SLC30A8: variants seen among roughly 807,000 people sequenced by gnomAD.
SLC30A8 encodes solute carrier family 30 member 8.
In SLC30A8, 27 loss-of-function variants were observed where a neutral mutation model predicts 36.9. The observed-to-expected ratio is 0.73, with a 90% CI of 0.54 to 1.01. The LOEUF (loss-of-function observed/expected upper bound fraction) is 1.01, where lower values mean the gene tolerates loss of function less well. Among genes scored for constraint, SLC30A8 ranks in the 50% least tolerant of loss-of-function variants. The pLI is 0.00. For missense variants in SLC30A8, 439 were observed against 452.0 expected (o/e 0.97, Z 0.26); for synonymous variants, 164 against 172.4 (o/e 0.95, Z 0.38).
chr8:117,164,739 G>A (rs1018454042), intron 6 of SLC30A8, among the ~76,000 whole-genome samples: 2 of 152,056 alleles, frequency 1.3e-5, no homozygotes, highest in Admixed American at 6.6e-5. Flanking sequence ...TGGGAGCAGG[G>A]GCCAGTGGTC....
chr8:117,096,141 A>T lies in SLC30A8; in HGVS notation c.-225-39139A>T, dbSNP rs1372566268. On this transcript the variant is annotated intron_variant, in intron 2 of 10. Transcript: ENST00000427715. ...CTGTCTTGATGTTATAGTCTCTCTG[A>T]GGCACTGATGGGGTTTGAACTTTGC... Among the ~76,000 whole-genome samples, 15 of 152,260 alleles carry T rather than the reference A, an allele frequency of 9.9e-5. No homozygotes were observed. The East Asian group carries it at 2.9e-3, about 29-fold the overall frequency.
chr8:117,023,815 A>G (rs1242171892), intron 1 of SLC30A8, among the ~76,000 whole-genome samples: 1 of 152,102 alleles, frequency 6.6e-6, no homozygotes, highest in African/African-American at 2.4e-5. Context: ...GCACATGTAT[A>G]CATGTGTAAC....
chr8:116,988,385 C>G (rs1199005507), intron 1 of SLC30A8, among the ~76,000 whole-genome samples: 1 of 152,208 alleles, frequency 6.6e-6, no homozygotes, highest in Non-Finnish European at 1.5e-5. Context: ...GGCTAGCAAT[C>G]CAGTCCCCCT....
chr8:117,008,938 G>A (rs1170207889), intron 1 of SLC30A8, among the ~76,000 whole-genome samples: 1 of 152,126 alleles, frequency 6.6e-6, no homozygotes, highest in African/African-American at 2.4e-5. Context: ...GTGATGTTGG[G>A]CAATCTACCT....
chr8:117,112,912 C>G (rs1394656472), intron 2 of SLC30A8, among the ~76,000 whole-genome samples: 1 of 152,096 alleles, frequency 6.6e-6, no homozygotes, highest in Non-Finnish European at 1.5e-5. Context: ...TAACTCAGTA[C>G]TTATCTCCTG....
chr8:116,994,351 A>G (rs992276705), intron 1 of SLC30A8, among the ~76,000 whole-genome samples: 11 of 152,120 alleles, frequency 7.2e-5, no homozygotes, highest in African/African-American at 2.7e-4. Context: ...AAAAGAATGC[A>G]CAAGTGTTCA....
At chr8:117,004,320 C>T (rs758382558) in intron 1 of SLC30A8, among the ~76,000 whole-genome samples, 1 of 152,204 alleles carries the variant, frequency 6.6e-6, no homozygotes. Context: ...GACTGGGAGA[C>T]ACATTTTGAA....
intron 1 of SLC30A8, among the ~76,000 whole-genome samples, chr8:116,998,988 G>A (rs915697699): frequency 2.0e-5 from 3 of 152,218 alleles, no homozygotes; most frequent in African/African-American, 7.2e-5. Flanking sequence ...TATGGGCCAC[G>A]CGTGGTGGCA....
At chr8:117,049,638 TC>T (rs1042007741) in intron 2 of SLC30A8, among the ~76,000 whole-genome samples, 1 of 152,224 alleles carries the variant, frequency 6.6e-6, no homozygotes, top group African/African-American at 2.4e-5. Context: ...TGATATGTGT[TC>T]CCAGGTGGGC....
At chr8:117,093,169 C>T (rs966878480) in intron 2 of SLC30A8, among the ~76,000 whole-genome samples, 8 of 151,910 alleles carry the variant, frequency 5.3e-5, no homozygotes, top group African/African-American at 1.9e-4. Flanking sequence ...GTAAGATACT[C>T]TCATGGCCCA....
intron 1 of SLC30A8, among the ~76,000 whole-genome samples, chr8:116,997,500 G>GT (rs5894359): frequency 0.11 from 16,694 of 149,664 alleles, 1,229 homozygotes; most frequent in Non-Finnish European, 0.17. Flanking sequence ...AATTAAATCA[G>GT]TTTTTTTTTT....
chr8:117,038,746 C>T (rs145076698), intron 1 of SLC30A8, among the ~76,000 whole-genome samples: 175 of 152,250 alleles, frequency 1.1e-3, no homozygotes, highest in African/African-American at 4.1e-3. Context: ...TGAGAGTGTT[C>T]GATGCTCCAC....
intron 1 of SLC30A8, among the ~76,000 whole-genome samples, chr8:117,029,961 TG>T (rs1263257376): frequency 2.0e-5 from 3 of 152,214 alleles, no homozygotes; most frequent in African/African-American, 7.2e-5. Flanking sequence ...AATGTTTGTT[TG>T]TTTTTTTAAA....
intron 2 of SLC30A8, among the ~76,000 whole-genome samples, chr8:117,039,818 A>T (rs1010009951): frequency 6.6e-6 from 1 of 152,208 alleles, no homozygotes; most frequent in Non-Finnish European, 1.5e-5. Flanking sequence ...AGATACATTT[A>T]TTTAACTGTT....
At chr8:116,996,733 G>A (rs1815833934) in intron 1 of SLC30A8, among the ~76,000 whole-genome samples, 1 of 152,162 alleles carries the variant, frequency 6.6e-6, no homozygotes, top group Admixed American at 6.6e-5. Flanking sequence ...TGTGAGACAT[G>A]TTGGTGGCTG....
chr8:117,044,808 A>C (rs1012323862), intron 2 of SLC30A8, among the ~76,000 whole-genome samples: 1 of 152,138 alleles, frequency 6.6e-6, no homozygotes, highest in Non-Finnish European at 1.5e-5. Flanking sequence ...TCGGGGAATC[A>C]GATCCTCCTG....
intron 1 of SLC30A8, among the ~76,000 whole-genome samples, chr8:117,135,700 A>G (rs964135947): frequency 6.6e-6 from 1 of 151,924 alleles, no homozygotes; most frequent in Non-Finnish European, 1.5e-5. Context: ...TTTCTCAATT[A>G]TTCTCAATTT....
chr8:117,148,841 C>A (rs1822024536), intron 2 of SLC30A8, among the ~76,000 whole-genome samples: 1 of 152,066 alleles, frequency 6.6e-6, no homozygotes, highest in Non-Finnish European at 1.5e-5. Flanking sequence ...GTTTTGTTTT[C>A]TAAATAGTTA....
At chr8:117,017,429 G>A (rs1427820372) in intron 1 of SLC30A8, among the ~76,000 whole-genome samples, 1 of 152,092 alleles carries the variant, frequency 6.6e-6, no homozygotes, top group African/African-American at 2.4e-5. Context: ...TTTCATTTCT[G>A]TATTTTCTAT....
Sources: gnomAD v4.1 joint callset for allele counts (sites outside exome capture counted in the v4.1 genomes callset) on GRCh38, gnomAD v4.1.1 for gene constraint, MANE v1.5 for transcripts, NCBI Gene and HGNC (gene_info 2026-07-23, HGNC 2026-07-21) for gene names.